The following NBEAL1 variants were observed in gnomAD, a reference collection of about 807,000 sequenced individuals.
The protein encoded by NBEAL1 is neurobeachin like 1, also known as neurobeachin-like protein 1.
Under a neutral mutation model 351.3 loss-of-function variants are expected in NBEAL1, and 273 were observed. The ratio of observed to expected loss-of-function variants is 0.78; its 90% CI spans 0.70 to 0.86. NBEAL1 has a LOEUF of 0.86. Among genes scored for constraint, NBEAL1 ranks in the 40% least tolerant of loss-of-function variants. NBEAL1 has a pLI of 0.00. For synonymous variants in NBEAL1, 1,050 were observed against 1,086.4 expected, an observed-to-expected ratio of 0.97 and a Z score of 0.66; for missense variants, 2,961 against 3,201.3, an observed-to-expected ratio of 0.92 and a Z score of 1.81.
chr2:203,070,357 C>CGCTTTTTT (rs1559345155), intron 7 of NBEAL1, among the ~76,000 whole-genome samples: 1 of 126,204 alleles, frequency 7.9e-6, no homozygotes. Flanking sequence ...CTCTCTCTCT[C>CGCTTTTTT]TCTTTTTTTT....
At chr2:203,160,269 C>T (rs192045733) in intron 36 of NBEAL1, among the ~76,000 whole-genome samples, 7 of 152,046 alleles carry the variant, frequency 4.6e-5, no homozygotes, top group South Asian at 4.2e-4. Flanking sequence ...TTAGTAGAGA[C>T]GGGATTTTGC....
intron 10 of NBEAL1, among the ~76,000 whole-genome samples, chr2:203,096,874 G>A (rs1421388710): frequency 2.0e-5 from 3 of 152,148 alleles, no homozygotes; most frequent in Non-Finnish European, 2.9e-5. Context: ...ACCATACTGG[G>A]TGTTACGTAC....
chr2:203,128,288 G>A (rs533692009), intron 24 of NBEAL1, among the ~76,000 whole-genome samples: 16 of 129,612 alleles, frequency 1.2e-4, no homozygotes, highest in South Asian at 2.4e-4. Flanking sequence ...TTTTTTTTCC[G>A]GTAAAGACAG....
chr2:203,195,746 T>C (rs1454931011), intron 47 of NBEAL1, among the ~76,000 whole-genome samples: 5 of 152,224 alleles, frequency 3.3e-5, no homozygotes, highest in Non-Finnish European at 7.3e-5. Flanking sequence ...AGTAATGAAA[T>C]GTGGAAACAC....
intron 12 of NBEAL1, among the ~76,000 whole-genome samples, chr2:203,101,002 AG>A (rs1324100512): frequency 1.3e-5 from 2 of 152,224 alleles, no homozygotes; most frequent in East Asian, 3.9e-4. Flanking sequence ...CCCATTCTGT[AG>A]GTTGTCTGTT....
intron 3 of NBEAL1, among the ~76,000 whole-genome samples, chr2:203,048,790 A>G (rs1014355347): frequency 1.3e-5 from 2 of 152,056 alleles, no homozygotes; most frequent in Non-Finnish European, 2.9e-5. Context: ...AAAGAACCAT[A>G]TAGTCTTACA....
intron 51 of NBEAL1, among the ~76,000 whole-genome samples, chr2:203,207,367 A>T (rs1179025923): frequency 6.6e-6 from 1 of 151,814 alleles, no homozygotes; most frequent in Non-Finnish European, 1.5e-5. Context: ...CCTACTGGGA[A>T]GTGAGGAGCC....
chr2:203,107,998 G>T lies in NBEAL1; in HGVS notation c.1759G>T (p.Ala587Ser), dbSNP rs2106232851. ...CGTGACTCGAGCAATCCTGACAATG[G>T]CCCGAAAACTAAGTCTAGAGAGTGC... Reference protein sequence around the residue: ...TPVTRAILTMARKLSLESALQ... With the variant: ...TPVTRAILTMSRKLSLESALQ... The change falls in exon 14 of 56, where the codon GCC (alanine) becomes TCC (serine). Residue 587 changes from alanine (A) to serine (S), a missense_variant. Ala to Ser is a moderately conservative substitution (Grantham distance 99). Transcript: ENST00000683969. The T allele has an allele frequency of 6.4e-7, 1 of 1,554,464 alleles. No homozygotes were observed. Among genetic ancestry groups the T allele is most frequent in the South Asian group, 1.2e-5 (1 of 84,288 alleles).
chr2:203,099,084 T>C lies in NBEAL1; in HGVS notation c.1186-545T>C, dbSNP rs894237025. On this transcript the variant is annotated intron_variant, in intron 11 of 55. Transcript: ENST00000683969. ...TGAGGTCAGGAGTTCAAGACCAGCC[T>C]GACCAACATGGAGAAACCCTGTCTC... Among the ~76,000 whole-genome samples, 6 of 152,120 alleles carry C rather than the reference T, an allele frequency of 3.9e-5. No individual in the cohort carries two copies. The East Asian group carries it at 1.2e-3, about 29-fold the overall frequency.
At chr2:203,043,066 C>T (rs546848030) in intron 3 of NBEAL1, among the ~76,000 whole-genome samples, 15 of 152,184 alleles carry the variant, frequency 9.9e-5, no homozygotes, top group Admixed American at 5.2e-4. Context: ...AAAACTGGGA[C>T]AAAGACCAGA....
intron 2 of NBEAL1, among the ~76,000 whole-genome samples, chr2:203,034,703 T>C (rs1273623532): frequency 6.7e-6 from 1 of 148,274 alleles, no homozygotes; most frequent in African/African-American, 2.4e-5. Flanking sequence ...ATCTGCCTGC[T>C]TCGGCCTCCC....
chr2:203,191,980 G>T (rs2105782552), intron 46 of NBEAL1, among the ~76,000 whole-genome samples: 1 of 152,252 alleles, frequency 6.6e-6, no homozygotes, highest in South Asian at 2.1e-4. Context: ...TATCACTCTT[G>T]AATACAGTAT....
intron 2 of NBEAL1, among the ~76,000 whole-genome samples, chr2:203,017,250 AG>A (rs541483129): frequency 4.3e-4 from 65 of 152,298 alleles, no homozygotes; most frequent in Non-Finnish European, 7.1e-4. Context: ...GTACTATTTG[AG>A]TTAATTTAAG....
chr2:203,171,054 C>G (rs1353968674), intron 39 of NBEAL1, among the ~76,000 whole-genome samples: 1 of 152,026 alleles, frequency 6.6e-6, no homozygotes, highest in East Asian at 1.9e-4. Context: ...GTCAAGAGTT[C>G]GAGACCAGCC....
chr2:203,114,369 A>G (rs2062641895), intron 17 of NBEAL1, among the ~76,000 whole-genome samples: 1 of 152,256 alleles, frequency 6.6e-6, no homozygotes, highest in African/African-American at 2.4e-5. Context: ...ACTGCTTCCA[A>G]AATCATGAGC....
At position 203,136,175 on chromosome 2, in the gene NBEAL1, G is replaced by A. The variant is rs2063202378; in HGVS notation, c.4312G>A (p.Val1438Met). The change falls in exon 28 of 56, where the codon GTG becomes ATG. Residue 1438 changes from valine to methionine, a missense_variant. Physicochemically the swap from Val to Met is conservative, Grantham distance 21. Coordinates refer to ENST00000683969, the MANE Select transcript of NBEAL1 (RefSeq NM_001378026.1). ...AGTAGAGTCTACTAAATCGTTTTCTGTGCACTCTGACAGAGAAAGCAGCAT... is the reference window on the plus strand; with the variant it reads ...AGTAGAGTCTACTAAATCGTTTTCTATGCACTCTGACAGAGAAAGCAGCAT... ...SPVESTKSFS[V>M]HSDRESSITN... 8 of 1,613,702 alleles carry A rather than the reference G, an allele frequency of 5.0e-6. No individual in the cohort carries two copies. The highest frequency in any genetic ancestry group is 4.2e-6 in the Non-Finnish European group (5 of 1,179,866).
intron 2 of NBEAL1, among the ~76,000 whole-genome samples, chr2:203,029,319 A>AG (rs2060912309): frequency 6.6e-6 from 1 of 152,148 alleles, no homozygotes; most frequent in Non-Finnish European, 1.5e-5. Context: ...CCTGACCACC[A>AG]TGTGTGAAAC....
chr2:203,059,052 G>GC (rs1398601332), intron 6 of NBEAL1, among the ~76,000 whole-genome samples: 1 of 151,954 alleles, frequency 6.6e-6, no homozygotes, highest in Non-Finnish European at 1.5e-5. Context: ...TCTACTTCCT[G>GC]CAACACGATT....
At chr2:203,065,706 T>C (rs1003582216) in intron 6 of NBEAL1, among the ~76,000 whole-genome samples, 1 of 151,836 alleles carries the variant, frequency 6.6e-6, no homozygotes, top group Non-Finnish European at 1.5e-5. Context: ...GAGCCGAGAT[T>C]GCGCCACTGC....
Sources: gnomAD v4.1 joint callset for allele counts (sites outside exome capture counted in the v4.1 genomes callset) on GRCh38, gnomAD v4.1.1 for gene constraint, MANE v1.5 for transcripts, NCBI Gene and HGNC (gene_info 2026-07-23, HGNC 2026-07-21) for gene names.